Variants in SH3PXD2A observed in about 807,000 individuals in gnomAD.
The protein encoded by SH3PXD2A is SH3 and PX domains 2A.
In SH3PXD2A, 32 loss-of-function variants were observed where a neutral mutation model predicts 115.2. The ratio of observed to expected loss-of-function variants is 0.28; its 90% CI spans 0.21 to 0.37. SH3PXD2A has a LOEUF of 0.37. Ranked by LOEUF, SH3PXD2A falls within the 10% of genes least tolerant of loss-of-function variation. The probability of loss-of-function intolerance (pLI) is 1.00; values close to 1 mark genes in which losing one functional copy is unlikely to be tolerated. For synonymous variants in SH3PXD2A, 610 were observed against 629.1 expected, an observed-to-expected ratio of 0.97 and a Z score of 0.45; for missense variants, 1,328 against 1,498.7, an observed-to-expected ratio of 0.89 and a Z score of 1.88.
chr10:103,713,733 C>T (rs941811979), intron 5 of SH3PXD2A, among the ~76,000 whole-genome samples: 2 of 152,202 alleles, frequency 1.3e-5, no homozygotes, highest in African/African-American at 4.8e-5. Flanking sequence ...TTATCAGCAG[C>T]TGTTATAAGC....
intron 4 of SH3PXD2A, among the ~76,000 whole-genome samples, chr10:103,731,166 T>G (rs955155824): frequency 7.1e-6 from 1 of 140,766 alleles, no homozygotes; most frequent in African/African-American, 2.6e-5. Context: ...CCCGTTTTTG[T>G]TTTTTTTTTT....
intron 6 of SH3PXD2A, 60 bp downstream of exon 6, chr10:103,692,967 AG>A: frequency 1.3e-6 from 1 of 759,660 alleles, no homozygotes; most frequent in Non-Finnish European, 2.2e-6. Flanking sequence ...GCAGGATCGG[AG>A]GGGCGCGTGC....
intron 1 of SH3PXD2A, among the ~76,000 whole-genome samples, chr10:103,844,183 G>C (rs1188043999): frequency 1.3e-5 from 2 of 152,164 alleles, no homozygotes; most frequent in African/African-American, 4.8e-5. Context: ...GAAATCCCTG[G>C]GCTGCCACCT....
chr10:103,805,288 G>A (rs1407132788), intron 1 of SH3PXD2A, among the ~76,000 whole-genome samples: 1 of 152,202 alleles, frequency 6.6e-6, no homozygotes, highest in Non-Finnish European at 1.5e-5. Flanking sequence ...CCGAGGAAAG[G>A]GCATGGCCAG....
intron 2 of SH3PXD2A, among the ~76,000 whole-genome samples, chr10:103,788,594 C>A (rs1306237698): frequency 6.6e-6 from 1 of 152,034 alleles, no homozygotes; most frequent in Non-Finnish European, 1.5e-5. Context: ...AGGCCGGGTG[C>A]GGTGGCTCAC....
rs537619685 is a variant in SH3PXD2A, at chr10:103,822,875, G to A, written c.73-21513C>T. ...ACACTCCATCATCTCATGTGTAACT[G>A]AAAAAAGCCAAATCAGAACGACAAG... On this transcript the variant is annotated intron_variant, in intron 1 of 14. Transcript: ENST00000369774. Among the ~76,000 whole-genome samples, 196 of 152,336 alleles carry A rather than the reference G, an allele frequency of 1.3e-3. 1 individual carries two copies. The highest frequency in any genetic ancestry group is 4.5e-3 in the African/African-American group (185 of 41,572).
At position 103,792,982 on chromosome 10, in the gene SH3PXD2A, T is replaced by C. The variant is rs1274098849; in HGVS notation, c.153+8300A>G. On this transcript the variant is annotated intron_variant, in intron 2 of 14. Coordinates refer to ENST00000369774, the MANE Select transcript of SH3PXD2A (RefSeq NM_001394015.1). Reference sequence around the variant, plus strand: ...TTTCATGTCCTCCTTGTTAGACATGTTCTTATGTTTACTTTTTTCACCTGT... The same window carrying C: ...TTTCATGTCCTCCTTGTTAGACATGCTCTTATGTTTACTTTTTTCACCTGT... Among the ~76,000 whole-genome samples, 5 of 152,170 alleles carry C rather than the reference T, an allele frequency of 3.3e-5. No homozygotes were observed. The East Asian group carries it at 9.6e-4, about 29-fold the overall frequency.
intron 7 of SH3PXD2A, among the ~76,000 whole-genome samples, chr10:103,662,590 G>A (rs1225630606): frequency 2.7e-5 from 4 of 150,200 alleles, no homozygotes; most frequent in South Asian, 2.1e-4. Flanking sequence ...TAGTAGAGAC[G>A]GGGTTTCACC....
In SH3PXD2A at chr10:103,639,559, A is replaced by G. The variant is rs187507245; in HGVS notation, c.605-12357T>C. On this transcript the variant is annotated intron_variant, in intron 8 of 14. Transcript: ENST00000369774. The stretch of plus-strand genomic sequence containing the variant: ...TGGGAAGCGGAGGTTGCAGTGAGCC[A>G]AGATCGTGCCACTGCACTCCAGCCT... 2.0e-3 allele frequency among the ~76,000 whole-genome samples: 301 copies of G among 150,726 alleles called. 1 individual carries two copies. Among genetic ancestry groups the G allele is most frequent in the Non-Finnish European group, 3.5e-3 (235 of 67,758 alleles).
At chr10:103,615,995 C>T (rs2036512072) in intron 11 of SH3PXD2A, among the ~76,000 whole-genome samples, 2 of 139,666 alleles carry the variant, frequency 1.4e-5, no homozygotes, top group Admixed American at 7.6e-5. Flanking sequence ...TCTCAGCCCT[C>T]CTGACTGATA....
At chr10:103,711,618 T>C (rs2038047824) in intron 5 of SH3PXD2A, among the ~76,000 whole-genome samples, 1 of 152,160 alleles carries the variant, frequency 6.6e-6, no homozygotes, top group Non-Finnish European at 1.5e-5. Flanking sequence ...CAGCTGGAAC[T>C]ACCAGAGGGC....
At chr10:103,673,756 T>A (rs1340616658) in intron 6 of SH3PXD2A, among the ~76,000 whole-genome samples, 1 of 151,978 alleles carries the variant, frequency 6.6e-6, no homozygotes, top group Non-Finnish European at 1.5e-5. Context: ...AAATCCAGAG[T>A]GGGCCATGAG....
chr10:103,611,143 G>A (rs1001335991), intron 13 of SH3PXD2A, among the ~76,000 whole-genome samples: 8 of 152,274 alleles, frequency 5.3e-5, no homozygotes, highest in African/African-American at 1.7e-4. Flanking sequence ...CCTGGAAGAC[G>A]TTCACTGATC....
chr10:103,773,208 G>C, intron 2 of SH3PXD2A, among the ~76,000 whole-genome samples: 1 of 140,110 alleles, frequency 7.1e-6, no homozygotes, highest in Non-Finnish European at 1.5e-5. Context: ...TGTGTGTCAA[G>C]AGTGAAACTC....
chr10:103,827,844 C>T (rs972168335), intron 1 of SH3PXD2A, among the ~76,000 whole-genome samples: 1 of 152,212 alleles, frequency 6.6e-6, no homozygotes, highest in African/African-American at 2.4e-5. Context: ...ACACAGTCTA[C>T]GTGACCATGG....
chr10:103,642,750 T>C (rs1468603343), intron 8 of SH3PXD2A, among the ~76,000 whole-genome samples: 1 of 152,228 alleles, frequency 6.6e-6, no homozygotes, highest in African/African-American at 2.4e-5. Context: ...CTGTGGTCAC[T>C]TGAAATATAA....
intron 7 of SH3PXD2A, among the ~76,000 whole-genome samples, chr10:103,662,542 GGCGCCCGCCACC>G: frequency 6.6e-6 from 1 of 151,056 alleles, no homozygotes; most frequent in South Asian, 2.1e-4. Flanking sequence ...TGGGACTACA[GGCGCCCGCCACC>G]GCGCCCGGCT....
rs1373095128 is a variant in SH3PXD2A at position 103,661,008 on chromosome 10, C to T, written c.579G>A (p.Val193=). The T allele has an allele frequency of 1.9e-6, 3 of 1,614,022 alleles. No homozygotes were observed. In the African/African-American group the frequency reaches 4.0e-5, roughly 22 times the overall value. The change falls in exon 8 of 15, where the codon GTG becomes GTA. Residue 193 remains valine, a synonymous_variant. Coordinates refer to ENST00000369774, the MANE Select transcript of SH3PXD2A (RefSeq NM_001394015.1). The stretch of plus-strand genomic sequence containing the variant: ...CGCTCTCGTTCTTCTCGATGACATC[C>T]ACCACCTCCCCGGCCTGGAGGCTCA... ...SELSLQAGEV[V]DVIEKNESGW...
At chr10:103,744,665 G>T (rs2038481246) in intron 3 of SH3PXD2A, among the ~76,000 whole-genome samples, 1 of 152,184 alleles carries the variant, frequency 6.6e-6, no homozygotes, top group South Asian at 2.1e-4. Flanking sequence ...ATCTGGCTTT[G>T]TTGCCATTTA....
Sources: gnomAD v4.1 joint callset for allele counts (sites outside exome capture counted in the v4.1 genomes callset) on GRCh38, gnomAD v4.1.1 for gene constraint, MANE v1.5 for transcripts, NCBI Gene and HGNC (gene_info 2026-07-23, HGNC 2026-07-21) for gene names.